Variants in CEP128 observed in about 807,000 individuals in gnomAD.
CEP128 encodes centrosomal protein 128kDa.
In CEP128, 132 loss-of-function variants were observed where a neutral mutation model predicts 156.7. That is an observed-to-expected ratio of 0.84 (90% CI 0.73 to 0.97). CEP128 has a LOEUF of 0.97. Among genes scored for constraint, CEP128 ranks in the 50% least tolerant of loss-of-function variants. The pLI is 0.00. For synonymous variants in CEP128, 469 were observed against 448.9 expected (o/e 1.04, Z -0.57); for missense variants, 1,252 against 1,281.9 (o/e 0.98, Z 0.36).
intron 20 of CEP128, among the ~76,000 whole-genome samples, chr14:80,565,666 T>C (rs570849969): frequency 1.3e-5 from 2 of 152,224 alleles, no homozygotes; most frequent in African/African-American, 4.8e-5. Context: ...AATTCATTAG[T>C]ATCACTGGAG....
At chr14:80,817,574 A>G (rs1292329639) in intron 13 of CEP128, among the ~76,000 whole-genome samples, 1 of 152,202 alleles carries the variant, frequency 6.6e-6, no homozygotes, top group Non-Finnish European at 1.5e-5. Flanking sequence ...TGAAATGTAT[A>G]ATAACTATAA....
chr14:80,828,113 CTTCTTTT>C (rs1885576796), intron 13 of CEP128, among the ~76,000 whole-genome samples: 1 of 146,646 alleles, frequency 6.8e-6, no homozygotes, highest in Non-Finnish European at 1.5e-5. Flanking sequence ...GCCTACTTTG[CTTCTTTT>C]TTCTTTTTTT....
rs950919249 is a variant in CEP128 at position 80,736,274 on chromosome 14, A to G, written c.2806+6801T>C. 9.9e-5 allele frequency among the ~76,000 whole-genome samples: 15 copies of G among 151,652 alleles called. 1 individual carries two copies. In the South Asian group the frequency reaches 3.1e-3, roughly 31 times the overall value. On this transcript the variant is annotated intron_variant, in intron 19 of 24. Transcript: ENST00000555265. Reference sequence around the variant, plus strand: ...TAAGGTTTTAAAAAAAAAAAAACACAGCAAATATATGCTTTGAATTTAATG... The same window carrying G: ...TAAGGTTTTAAAAAAAAAAAAACACGGCAAATATATGCTTTGAATTTAATG...
At chr14:80,504,500 T>C (rs1248051306) in intron 24 of CEP128, among the ~76,000 whole-genome samples, 2 of 152,238 alleles carry the variant, frequency 1.3e-5, no homozygotes, top group Non-Finnish European at 2.9e-5. Context: ...GAGTGAAATC[T>C]AGCAGTAATA....
rs561774945 is a variant in CEP128, at chr14:80,791,288, C to T, written c.1560+1472G>A. 2.0e-5 allele frequency among the ~76,000 whole-genome samples: 3 copies of T among 152,224 alleles called. No individual in the cohort carries two copies. In the South Asian group the frequency reaches 6.2e-4, roughly 32 times the overall value. On this transcript the variant is annotated intron_variant, in intron 14 of 24. Transcript: ENST00000555265. ...CTGCTGTGATAATTGTGATACGACC[C>T]TAACTGTGGCAATCACTTTAAAACT...
At chr14:80,807,694 G>GA (rs1383058247) in intron 13 of CEP128, among the ~76,000 whole-genome samples, 1 of 152,166 alleles carries the variant, frequency 6.6e-6, no homozygotes, top group Non-Finnish European at 1.5e-5. Flanking sequence ...ACAGAGATCT[G>GA]AACATCCCGT....
intron 2 of CEP128, among the ~76,000 whole-genome samples, chr14:80,930,314 A>G (rs922062121): frequency 6.6e-6 from 1 of 152,156 alleles, no homozygotes; most frequent in South Asian, 2.1e-4. Flanking sequence ...TCAGGATCTG[A>G]TACTTCAGTC....
chr14:80,684,565 G>A (rs1896451269), intron 19 of CEP128, among the ~76,000 whole-genome samples: 1 of 151,772 alleles, frequency 6.6e-6, no homozygotes, highest in Admixed American at 6.6e-5. Context: ...GAAAAATCAA[G>A]GAGGAGTAAC....
At chr14:80,631,562 T>C (rs1337814298) in intron 19 of CEP128, among the ~76,000 whole-genome samples, 1 of 152,066 alleles carries the variant, frequency 6.6e-6, no homozygotes, top group Non-Finnish European at 1.5e-5. Context: ...TATATGTGAT[T>C]CGGTATCTGC....
chr14:80,518,002 G>A (rs1333715241), intron 23 of CEP128, among the ~76,000 whole-genome samples: 3 of 151,858 alleles, frequency 2.0e-5, no homozygotes, highest in African/African-American at 7.3e-5. Context: ...GGTGGACGGT[G>A]AGCGAAAGCT....
At chr14:80,756,424 G>T (rs1443250994) in intron 18 of CEP128, among the ~76,000 whole-genome samples, 1 of 152,116 alleles carries the variant, frequency 6.6e-6, no homozygotes, top group Non-Finnish European at 1.5e-5. Flanking sequence ...ATTATCTGTG[G>T]TTACTCAAAT....
chr14:80,859,497 T>C (rs1263738545), intron 9 of CEP128, among the ~76,000 whole-genome samples: 1 of 151,736 alleles, frequency 6.6e-6, no homozygotes, highest in African/African-American at 2.4e-5. Context: ...TGTATACATA[T>C]GTAACTAACC....
chr14:80,634,403 A>G (rs988502743), intron 19 of CEP128, among the ~76,000 whole-genome samples: 1 of 152,222 alleles, frequency 6.6e-6, no homozygotes, highest in Non-Finnish European at 1.5e-5. Context: ...TTCTCCAAGG[A>G]CATAAGACTA....
chr14:80,595,143 A>G (rs377069157), intron 19 of CEP128, among the ~76,000 whole-genome samples: 1 of 152,264 alleles, frequency 6.6e-6, no homozygotes. Flanking sequence ...CTATGCAGCC[A>G]TAAAAAGGAT....
chr14:80,678,428 C>G (rs1220988924), intron 19 of CEP128, among the ~76,000 whole-genome samples: 2 of 151,460 alleles, frequency 1.3e-5, no homozygotes, highest in African/African-American at 2.4e-5. Context: ...TTGGTTTTCT[C>G]CCCCCACAAA....
intron 20 of CEP128, among the ~76,000 whole-genome samples, chr14:80,567,304 GTGT>G (rs1461240552): frequency 6.6e-6 from 1 of 152,152 alleles, no homozygotes; most frequent in Non-Finnish European, 1.5e-5. Context: ...AGTGGGGTAT[GTGT>G]ACGGGTTTGT....
Position 80,736,258 on chromosome 14 carries a change from A to T in CEP128, c.2806+6817T>A, listed in dbSNP as rs1019225334. ...TAAGGTAGCTCTAATATAAGGTTTT[A>T]AAAAAAAAAAAACACAGCAAATATA... On this transcript the variant is annotated intron_variant, in intron 19 of 24. Coordinates refer to ENST00000555265, the MANE Select transcript of CEP128 (RefSeq NM_152446.5). Among the ~76,000 whole-genome samples the T allele has an allele frequency of 3.9e-4, 12 of 31,108 alleles. No homozygotes were observed. The Admixed American group carries it at 5.9e-3, about 15-fold the overall frequency. The allele number at this position is 31,108 out of a possible 152,430, so 20.4% of individuals were successfully genotyped here.
At chr14:80,687,810 G>A (rs201836182) in intron 19 of CEP128, among the ~76,000 whole-genome samples, 7 of 152,138 alleles carry the variant, frequency 4.6e-5, no homozygotes, top group African/African-American at 1.7e-4. Context: ...TCGCACTCAT[G>A]CACGAAAATA....
At chr14:80,806,244 T>C (rs12431821) in intron 13 of CEP128, among the ~76,000 whole-genome samples, 49,056 of 152,044 alleles carry the variant, frequency 0.32, 8,842 homozygotes, top group Non-Finnish European at 0.4. Flanking sequence ...ACAACCTCTT[T>C]GTACTTTTTA....
Sources: gnomAD v4.1 joint callset for allele counts (sites outside exome capture counted in the v4.1 genomes callset) on GRCh38, gnomAD v4.1.1 for gene constraint, MANE v1.5 for transcripts, NCBI Gene and HGNC (gene_info 2026-07-23, HGNC 2026-07-21) for gene names.